The following COL13A1 variants were observed in gnomAD, a reference collection of about 807,000 sequenced individuals.
COL13A1 encodes collagen alpha-1(XIII) chain.
Under a neutral mutation model 130.9 loss-of-function variants are expected in COL13A1, and 89 were observed. The ratio of observed to expected loss-of-function variants is 0.68; its 90% CI spans 0.57 to 0.81. The LOEUF is 0.81. COL13A1 is among the 30% of genes least tolerant of loss of function. The pLI is 0.00. For missense variants in COL13A1, 879 were observed against 934.6 expected, an observed-to-expected ratio of 0.94 and a Z score of 0.78; for synonymous variants, 402 against 341.6, an observed-to-expected ratio of 1.18 and a Z score of -1.95.
chr10:69,869,226 G>C (rs2058823093), intron 3 of COL13A1, among the ~76,000 whole-genome samples: 1 of 152,236 alleles, frequency 6.6e-6, no homozygotes, highest in East Asian at 1.9e-4. Flanking sequence ...ATGAGGTGGA[G>C]GGGATGAGTC....
chr10:69,904,324 A>T (rs1247382176), intron 15 of COL13A1, among the ~76,000 whole-genome samples: 2 of 152,140 alleles, frequency 1.3e-5, no homozygotes, highest in African/African-American at 4.8e-5. Context: ...AGAAAACCAG[A>T]GAGCATGTTT....
intron 1 of COL13A1, among the ~76,000 whole-genome samples, chr10:69,809,370 A>T (rs1842386603): frequency 6.6e-6 from 1 of 152,232 alleles, no homozygotes; most frequent in Admixed American, 6.5e-5. Context: ...TACGCTGTGT[A>T]TTGAGCTTAC....
chr10:69,911,703 A>G (rs1198079063), intron 17 of COL13A1, among the ~76,000 whole-genome samples: 1 of 152,266 alleles, frequency 6.6e-6, no homozygotes, highest in Non-Finnish European at 1.5e-5. Flanking sequence ...CCCTGGGAGC[A>G]TGTCTGCAGA....
At chr10:69,809,856 A>T (rs1842494296) in intron 1 of COL13A1, among the ~76,000 whole-genome samples, 1 of 152,178 alleles carries the variant, frequency 6.6e-6, no homozygotes, top group Non-Finnish European at 1.5e-5. Context: ...TGGCCTCTGG[A>T]ATGCTTGGGC....
At chr10:69,880,626 G>A (rs989315418) in intron 7 of COL13A1, 73 bp downstream of exon 7, 1 of 1,508,992 alleles carries the variant, frequency 6.6e-7, no homozygotes, top group Admixed American at 1.7e-5. Context: ...TTAGGCTGGG[G>A]ATGAGGGGAC....
intron 2 of COL13A1, among the ~76,000 whole-genome samples, chr10:69,833,066 A>C (rs532909735): frequency 3.3e-5 from 5 of 152,216 alleles, no homozygotes; most frequent in Non-Finnish European, 7.4e-5. Flanking sequence ...CCTGTCTGCC[A>C]GGCTGCCTGT....
At position 69,925,044 on chromosome 10, in the gene COL13A1, C is replaced by T. The variant is rs762995136; in HGVS notation, c.1329+37C>T. 55 of 1,501,066 alleles carry T rather than the reference C, an allele frequency of 3.7e-5. No homozygotes were observed. The Middle Eastern group carries it at 1.2e-3, about 34-fold the overall frequency. The allele number at this position is 1,501,066 out of a possible 1,614,324, so 93.0% of individuals were successfully genotyped here. A position where few individuals can be genotyped will look rare whatever the true frequency, so the allele number is the denominator to read the frequency against. ...TCCCTCCTGGAGTCACAGCGTGAAG[C>T]GGCTGGTAAATCAAAAAAGCATCTG... On this transcript the variant is annotated intron_variant, in intron 25 of 40. Transcript: ENST00000645393.
At chr10:69,838,079 C>T (rs972409869) in intron 2 of COL13A1, among the ~76,000 whole-genome samples, 1 of 152,242 alleles carries the variant, frequency 6.6e-6, no homozygotes, top group Non-Finnish European at 1.5e-5. Flanking sequence ...ATTCCACCCA[C>T]AGTGCCTTGG....
Position 69,894,677 on chromosome 10 carries a change from A to T in COL13A1, c.633A>T (p.Gly211=). The change falls in exon 12 of 41, where the codon GGA becomes GGT. Residue 211 remains glycine (G), a splice_region_variant and synonymous_variant. Transcript: ENST00000645393. The stretch of plus-strand genomic sequence containing the variant: ...CTCTCATCTCCGTCTCTTTGTAGGG[A>T]CCCCAGGGACAAAAAGGAGAAAAGG... ...MGLTGPPGQP[G]PQGQKGEKGQ... The T allele has an allele frequency of 6.2e-7, 1 of 1,613,780 alleles. No homozygotes were observed. The highest frequency in any genetic ancestry group is 8.5e-7 in the Non-Finnish European group (1 of 1,179,846).
intron 26 of COL13A1, 116 bp from the exon 27 acceptor site, chr10:69,926,971 T>G (rs2065448368): frequency 1.4e-6 from 2 of 1,432,432 alleles, no homozygotes; most frequent in Non-Finnish European, 2.0e-6. Flanking sequence ...AGCGTCTCCC[T>G]CCACCCACGC....
intron 1 of COL13A1, among the ~76,000 whole-genome samples, chr10:69,821,337 T>A (rs1239651008): frequency 1.3e-5 from 2 of 152,252 alleles, no homozygotes; most frequent in Non-Finnish European, 2.9e-5. Flanking sequence ...TATGGCTGCA[T>A]GAGCATCACA....
intron 34 of COL13A1, among the ~76,000 whole-genome samples, chr10:69,938,484 G>A (rs574030638): frequency 3.3e-5 from 5 of 152,266 alleles, no homozygotes; most frequent in African/African-American, 1.2e-4. Context: ...TTCACTGATG[G>A]TCCCAGAGAA....
intron 1 of COL13A1, among the ~76,000 whole-genome samples, chr10:69,806,862 G>T (rs1012362007): frequency 6.6e-6 from 1 of 152,166 alleles, no homozygotes; most frequent in African/African-American, 2.4e-5. Flanking sequence ...ACAAAAATTA[G>T]CCGGGCATGG....
At chr10:69,958,520 C>G (rs1029891056) in intron 40 of COL13A1, among the ~76,000 whole-genome samples, 179 bp from the exon 41 acceptor site, 1 of 152,194 alleles carries the variant, frequency 6.6e-6, no homozygotes, top group Non-Finnish European at 1.5e-5. Flanking sequence ...GGTTTCCTCC[C>G]TTCAGGGAGC....
At chr10:69,923,188 G>C (rs2064911913) in intron 23 of COL13A1, among the ~76,000 whole-genome samples, 1 of 152,202 alleles carries the variant, frequency 6.6e-6, no homozygotes, top group South Asian at 2.1e-4. Flanking sequence ...CCTTAGGACA[G>C]GCAAGAGGCC....
intron 6 of COL13A1, 54 bp downstream of exon 6, chr10:69,878,119 A>G (rs1412797493): frequency 8.6e-6 from 6 of 700,418 alleles, no homozygotes; most frequent in Non-Finnish European, 1.6e-5. Context: ...CTCCAGGTGG[A>G]CTCTTGATGG....
intron 5 of COL13A1, chr10:69,877,735 ACACACACACAC>A: frequency 2.4e-6 from 1 of 420,778 alleles, no homozygotes; most frequent in Non-Finnish European, 4.3e-6. Flanking sequence ...ACACACACAC[ACACACACACAC>A]GTACGTGCCT....
chr10:69,859,112 T>C (rs1375744723), intron 2 of COL13A1, among the ~76,000 whole-genome samples: 1 of 152,194 alleles, frequency 6.6e-6, no homozygotes, highest in Non-Finnish European at 1.5e-5. Context: ...TAGCACACCT[T>C]GTATAGTTAC....
At chr10:69,873,723 C>T (rs1246488375) in intron 4 of COL13A1, among the ~76,000 whole-genome samples, 1 of 152,230 alleles carries the variant, frequency 6.6e-6, no homozygotes, top group Non-Finnish European at 1.5e-5. Context: ...TGGGGTCCTT[C>T]GCAGGCAGAG....
Sources: gnomAD v4.1 joint callset for allele counts (sites outside exome capture counted in the v4.1 genomes callset) on GRCh38, gnomAD v4.1.1 for gene constraint, MANE v1.5 for transcripts, NCBI Gene and HGNC (gene_info 2026-07-23, HGNC 2026-07-21) for gene names.